The following TBX5 variants were observed in gnomAD, a reference collection of about 807,000 sequenced individuals.
TBX5 encodes T-box transcription factor TBX5.
TBX5 carries 8 observed loss-of-function variants against 51.1 expected under a neutral mutation model. That is an observed-to-expected ratio of 0.16 (90% CI 0.09 to 0.28). The LOEUF (loss-of-function observed/expected upper bound fraction) is 0.28. TBX5 is among the 10% of genes least tolerant of loss of function. The pLI is 1.00. For synonymous variants in TBX5, 302 were observed against 266.4 expected (o/e 1.13, Z -1.30); for missense variants, 589 against 671.7 (o/e 0.88, Z 1.36).
chr12:114,400,090 C>G (rs2136419001), intron 3 of TBX5, among the ~76,000 whole-genome samples: 1 of 152,288 alleles, frequency 6.6e-6, no homozygotes, highest in African/African-American at 2.4e-5. Context: ...CACGTGTACA[C>G]AAGGTGTGTG....
chr12:114,403,758 G>T lies in TBX5; in HGVS notation c.141C>A (p.Thr47=), dbSNP rs564730479. 1 of 1,613,524 alleles carries T rather than the reference G, an allele frequency of 6.2e-7. No individual in the cohort carries two copies. Among genetic ancestry groups the T allele is most frequent in the East Asian group, 2.2e-5 (1 of 44,858 alleles). ...KSPSSPQAAF[T]QQGMEGIKVF... is the part of the protein sequence containing the mutation. ...AAGCGCGAGGTCTCCTTACCTGCTGGGTGAAGGCGGCCTGCGGGGACGACG... is the reference window on the plus strand; with the variant it reads ...AAGCGCGAGGTCTCCTTACCTGCTGTGTGAAGGCGGCCTGCGGGGACGACG... The change falls in exon 2 of 9, where the codon ACC becomes ACA. Residue 47 remains threonine, a synonymous_variant. Transcript: ENST00000405440.
At chr12:114,378,580 T>G (rs1341108167) in intron 7 of TBX5, among the ~76,000 whole-genome samples, 1 of 152,226 alleles carries the variant, frequency 6.6e-6, no homozygotes, top group Non-Finnish European at 1.5e-5. Context: ...TCCTTCTAGG[T>G]AGAAGAGAGA....
Position 114,356,075 on chromosome 12 carries a change from A to G in TBX5, c.1014T>C (p.Tyr338=). 1 of 1,613,356 alleles carries G rather than the reference A, an allele frequency of 6.2e-7. No individual in the cohort carries two copies. Among genetic ancestry groups the G allele is most frequent in the Non-Finnish European group, 8.5e-7 (1 of 1,180,016 alleles). The change falls in exon 9 of 9, where the codon TAT becomes TAC. Residue 338 remains tyrosine (Y), a synonymous_variant. Coordinates refer to ENST00000405440, the MANE Select transcript of TBX5 (RefSeq NM_181486.4). The stretch of plus-strand genomic sequence containing the variant: ...GTGATGTCTCCATGTAGGGCTTCTT[A>G]TAGGGATGGTCTGTGGTGGAACATT... ...EEECSTTDHP[Y]KKPYMETSPS...
chr12:114,362,368 T>C (rs1869289395), intron 8 of TBX5, among the ~76,000 whole-genome samples: 1 of 152,172 alleles, frequency 6.6e-6, no homozygotes, highest in African/African-American at 2.4e-5. Flanking sequence ...ATCTCACTGG[T>C]CCCTGCCTTC....
At chr12:114,370,288 G>GAAAAGAAAAGAAAAGAAAAGA (rs56105735) in intron 7 of TBX5, among the ~76,000 whole-genome samples, 12 of 56,756 alleles carry the variant, frequency 2.1e-4, no homozygotes, top group East Asian at 6.6e-4. Flanking sequence ...GAAAAGAAAA[G>GAAAAGAAAAGAAAAGAAAAGA]AAAGAAAAGA....
upstream of TBX5, chr12:114,408,109 G>C (rs1872341623): frequency 1.0e-6 from 1 of 985,424 alleles, no homozygotes. Flanking sequence ...GAGACGTCAC[G>C]AGTCACGCAA....
intron 7 of TBX5, among the ~76,000 whole-genome samples, chr12:114,385,262 T>G (rs1218215867): frequency 1.3e-5 from 2 of 152,186 alleles, no homozygotes; most frequent in Non-Finnish European, 2.9e-5. Flanking sequence ...TTCTCTCCAC[T>G]AGAAAATGTA....
At chr12:114,389,523 G>A (rs1871029988) in intron 6 of TBX5, among the ~76,000 whole-genome samples, 1 of 150,544 alleles carries the variant, frequency 6.6e-6, no homozygotes, top group Non-Finnish European at 1.5e-5. Context: ...GGGAGGCAGA[G>A]GCGGGCGGAT....
chr12:114,395,043 AT>A (rs1871346198), intron 5 of TBX5, 150 bp from the exon 6 acceptor site: 11 of 784,052 alleles, frequency 1.4e-5, no homozygotes, highest in Non-Finnish European at 2.2e-5. Context: ...GGGGCCAGGG[AT>A]TTCATTAAAA....
At chr12:114,384,646 T>G (rs1203408827) in intron 7 of TBX5, among the ~76,000 whole-genome samples, 1 of 150,906 alleles carries the variant, frequency 6.6e-6, no homozygotes, top group East Asian at 1.9e-4. Context: ...CCAGAAAGGA[T>G]AAGGAAAACA....
intron 6 of TBX5, among the ~76,000 whole-genome samples, chr12:114,388,704 G>C (rs1870969251): frequency 7.0e-6 from 1 of 143,530 alleles, no homozygotes; most frequent in Admixed American, 6.9e-5. Flanking sequence ...GTGTGTGTGT[G>C]TGTGTGTGTG....
chr12:114,359,206 T>C (rs1460087065), intron 8 of TBX5, among the ~76,000 whole-genome samples: 1 of 152,214 alleles, frequency 6.6e-6, no homozygotes, highest in East Asian at 1.9e-4. Flanking sequence ...AACTCAATCT[T>C]GGCTTATTGA....
chr12:114,379,838 A>T (rs1256710986), intron 7 of TBX5, among the ~76,000 whole-genome samples: 1 of 152,230 alleles, frequency 6.6e-6, no homozygotes, highest in Non-Finnish European at 1.5e-5. Context: ...TAAACAAATC[A>T]ACAGATCAAA....
At chr12:114,377,719 A>T (rs75771734) in intron 7 of TBX5, among the ~76,000 whole-genome samples, 17,581 of 151,718 alleles carry the variant, frequency 0.12, 1,194 homozygotes, top group South Asian at 0.21. Context: ...ACACCTAGCG[A>T]CTTTTTTTCT....
At chr12:114,374,808 A>G in intron 7 of TBX5, among the ~76,000 whole-genome samples, 1 of 152,194 alleles carries the variant, frequency 6.6e-6, no homozygotes, top group East Asian at 1.9e-4. Context: ...AATGATGTGC[A>G]CACTGTAGTG....
chr12:114,399,362 A>T, intron 4 of TBX5, 151 bp downstream of exon 4: 1 of 1,093,518 alleles, frequency 9.1e-7, no homozygotes, highest in Non-Finnish European at 1.3e-6. Context: ...GAGAATGGTT[A>T]GTAAAAAGCA....
chr12:114,400,007 A>G (rs935185933), intron 3 of TBX5, among the ~76,000 whole-genome samples: 14 of 152,196 alleles, frequency 9.2e-5, no homozygotes, highest in Non-Finnish European at 8.8e-5. Context: ...CTTATTAGGT[A>G]CAATGCTAGG....
intron 7 of TBX5, among the ~76,000 whole-genome samples, chr12:114,373,364 G>T (rs1381619985): frequency 6.6e-6 from 1 of 152,210 alleles, no homozygotes; most frequent in African/African-American, 2.4e-5. Flanking sequence ...GATTCTGCGG[G>T]TAAAAGCTAG....
upstream of TBX5, chr12:114,408,224 C>G (rs148864662): frequency 1.1e-3 from 1,081 of 985,124 alleles, 4 homozygotes; most frequent in African/African-American, 0.015. Context: ...AGGTTCCGGA[C>G]GTCTTGGCCC....
Sources: allele counts gnomAD v4.1 joint callset (sites outside exome capture counted in the v4.1 genomes callset), GRCh38; gene constraint gnomAD v4.1.1; transcripts MANE v1.5; gene names NCBI Gene and HGNC (gene_info 2026-07-23, HGNC 2026-07-21).